The following MBNL2 variants were observed in gnomAD, a reference collection of about 807,000 sequenced individuals.
MBNL2 encodes the protein muscleblind-like protein 2.
In MBNL2, 17 loss-of-function variants were observed where a neutral mutation model predicts 41.9. The ratio of observed to expected loss-of-function variants is 0.41; its 90% CI spans 0.28 to 0.61. The LOEUF (loss-of-function observed/expected upper bound fraction) is 0.61. Among genes scored for constraint, MBNL2 ranks in the 20% least tolerant of loss-of-function variants. The pLI, the probability that MBNL2 is intolerant of heterozygous loss-of-function variation, is 0.35. For missense variants in MBNL2, 336 were observed against 505.6 expected (o/e 0.66, Z 3.22); for synonymous variants, 195 against 182.9 (o/e 1.07, Z -0.53).
chr13:97,192,748 C>T, the MBNL2 span, among the ~76,000 whole-genome samples: 2 of 152,114 alleles, frequency 1.3e-5, no homozygotes, highest in South Asian at 2.1e-4. Flanking sequence ...GGCCACAGTT[C>T]GAAAAACATA....
At chr13:97,216,154 CT>C in the MBNL2 span, among the ~76,000 whole-genome samples, 1,970 of 151,786 alleles carry the variant, frequency 0.013, 40 homozygotes, top group African/African-American at 0.045. Context: ...AACACCATAA[CT>C]TTTTTTTTCT....
In MBNL2 at chr13:97,391,633, G is replaced by T; in HGVS notation, c.*184G>T. 1 of 517,250 alleles carries T rather than the reference G, an allele frequency of 1.9e-6. No individual in the cohort carries two copies. The highest frequency in any genetic ancestry group is 2.8e-5 in the South Asian group (1 of 35,230). The allele number at this position is 517,250 out of a possible 1,614,324, so 32.0% of individuals were successfully genotyped here. On this transcript the variant is annotated 3_prime_UTR_variant, in exon 9 of 9. Coordinates refer to ENST00000679496, the MANE Select transcript of MBNL2 (RefSeq NM_001382683.1). ...TACTTTTAAAGGGTTTCTAAACATA[G>T]TTTCTGTCCTAGGAATATTGTCTTA... is the stretch of plus-strand genomic sequence containing the variant.
Position 97,343,019 on chromosome 13 carries a change from A to T in MBNL2, c.343A>T (p.Thr115Ser), listed in dbSNP as rs201899731. ...FPGTPLHPVP[T>S]FPVGPAIGTN... ...CTGTGTTGTCTTCCTTTAACAGCCC[A>T]CTTTCCCTGTAGGTCCCGCGATAGG... is the stretch of plus-strand genomic sequence containing the variant. The change falls in exon 4 of 9, where the codon ACT becomes TCT. Residue 115 changes from threonine (T) to serine (S), a missense_variant. By Grantham distance (58) the Thr-to-Ser change is moderately conservative. Coordinates refer to ENST00000679496, the MANE Select transcript of MBNL2 (RefSeq NM_001382683.1). 116 of 1,607,100 alleles carry T rather than the reference A, an allele frequency of 7.2e-5. 2 individuals are homozygous for T. The highest frequency in any genetic ancestry group is 9.8e-5 in the Non-Finnish European group (115 of 1,173,896).
intron 2 of MBNL2, among the ~76,000 whole-genome samples, chr13:97,329,164 T>A (rs1450905243): frequency 6.6e-6 from 1 of 152,172 alleles, no homozygotes; most frequent in Non-Finnish European, 1.5e-5. Context: ...TAAAATTAAT[T>A]CAGCTTGAGG....
At chr13:97,322,839 A>C (rs1375887949) in intron 2 of MBNL2, among the ~76,000 whole-genome samples, 2 of 152,206 alleles carry the variant, frequency 1.3e-5, no homozygotes, top group Non-Finnish European at 2.9e-5. Context: ...ATTTATAATA[A>C]GATGTGATAT....
chr13:97,192,465 T>A, the MBNL2 span, among the ~76,000 whole-genome samples: 4 of 152,070 alleles, frequency 2.6e-5, no homozygotes, highest in Admixed American at 1.3e-4. Flanking sequence ...CACCAGAGCT[T>A]AAGAAAATAA....
chr13:97,332,277 C>T (rs1163738647), intron 2 of MBNL2, among the ~76,000 whole-genome samples: 1 of 152,220 alleles, frequency 6.6e-6, no homozygotes, highest in East Asian at 1.9e-4. Context: ...TATAACCCTC[C>T]TCCACCCCAG....
At chr13:97,208,640 A>G in the MBNL2 span, among the ~76,000 whole-genome samples, 5 of 152,340 alleles carry the variant, frequency 3.3e-5, no homozygotes, top group South Asian at 1.0e-3. Flanking sequence ...ATTTGGAAAA[A>G]TAATGACAAA....
the MBNL2 span, among the ~76,000 whole-genome samples, chr13:97,167,013 T>C: frequency 6.6e-6 from 1 of 152,204 alleles, no homozygotes; most frequent in Non-Finnish European, 1.5e-5. Flanking sequence ...ATTCTCCCCA[T>C]TGGGCTCTGC....
At chr13:97,389,665 C>T (rs924277659) in intron 8 of MBNL2, among the ~76,000 whole-genome samples, 5 of 151,258 alleles carry the variant, frequency 3.3e-5, no homozygotes, top group African/African-American at 9.7e-5. Context: ...GTGATTACAC[C>T]ACTGCATTCC....
chr13:97,255,349 C>CT (rs1314766609), intron 1 of MBNL2, among the ~76,000 whole-genome samples: 2 of 152,202 alleles, frequency 1.3e-5, no homozygotes, highest in Admixed American at 6.5e-5. Context: ...AATTATTTGA[C>CT]TTTTCTGTTT....
rs781500366 is a variant in MBNL2 at position 97,357,532 on chromosome 13, A to G, written c.909A>G (p.Glu303=). The part of the protein sequence containing the change: ...LHPLPKRQAL[E]KSNGTSAVFN... ...CTTTACCAAAGAGACAAGCACTTGA[A>G]AAAAGCAATGGTACCAGCGCGGTCT... The change falls in exon 7 of 9, where the codon GAA becomes GAG. Residue 303 remains glutamate (E), a synonymous_variant. Transcript: ENST00000679496. 6.2e-7 allele frequency: 1 copy of G among 1,614,134 alleles called. No individual in the cohort carries two copies.
chr13:97,271,673 C>T (rs181834147), intron 1 of MBNL2, among the ~76,000 whole-genome samples: 6 of 152,176 alleles, frequency 3.9e-5, no homozygotes, highest in Admixed American at 3.9e-4. Context: ...TGAGTGAGAA[C>T]ATGCCGTATT....
chr13:97,181,660 G>A, the MBNL2 span, among the ~76,000 whole-genome samples: 4 of 152,152 alleles, frequency 2.6e-5, no homozygotes, highest in Non-Finnish European at 5.9e-5. Context: ...GGCAGTCTAA[G>A]CATGACTTTG....
At chr13:97,168,661 T>C in the MBNL2 span, among the ~76,000 whole-genome samples, 125 of 152,186 alleles carry the variant, frequency 8.2e-4, no homozygotes, top group Non-Finnish European at 1.4e-3. Flanking sequence ...CTTTATGTAT[T>C]TGTTGAATTG....
intron 8 of MBNL2, among the ~76,000 whole-genome samples, chr13:97,379,729 C>G (rs2065263153): frequency 6.6e-6 from 1 of 151,696 alleles, no homozygotes; most frequent in African/African-American, 2.4e-5. Flanking sequence ...GAAAGGGATT[C>G]AGGATTGGCA....
chr13:97,159,270 T>C, the MBNL2 span, among the ~76,000 whole-genome samples: 1 of 151,768 alleles, frequency 6.6e-6, no homozygotes, highest in South Asian at 2.1e-4. Context: ...TCCATCCTTT[T>C]ATTTTGAGCC....
chr13:97,211,015 G>T, the MBNL2 span, among the ~76,000 whole-genome samples: 55 of 152,098 alleles, frequency 3.6e-4, 1 homozygote, highest in African/African-American at 1.3e-3. Context: ...GTTGGGTGGG[G>T]TGAGGGAAGG....
chr13:97,298,483 A>T (rs2057294141), intron 2 of MBNL2, among the ~76,000 whole-genome samples: 1 of 152,212 alleles, frequency 6.6e-6, no homozygotes, highest in Non-Finnish European at 1.5e-5. Flanking sequence ...TCTCTAAAAG[A>T]TAGAAAATCT....
Sources: allele counts gnomAD v4.1 joint callset (sites outside exome capture counted in the v4.1 genomes callset), GRCh38; gene constraint gnomAD v4.1.1; transcripts MANE v1.5; gene names NCBI Gene and HGNC (gene_info 2026-07-23, HGNC 2026-07-21).